Variants in NALF1 observed in about 807,000 individuals in gnomAD.
NALF1 encodes NALCN channel auxiliary factor 1.
Under a neutral mutation model 48.4 loss-of-function variants are expected in NALF1, and 3 were observed. That is an observed-to-expected ratio of 0.06 (90% CI 0.03 to 0.16). The LOEUF (loss-of-function observed/expected upper bound fraction) is 0.16. Among genes scored for constraint, NALF1 ranks in the 10% least tolerant of loss-of-function variants. The pLI is 1.00. For missense variants in NALF1, 526 were observed against 571.5 expected (o/e 0.92, Z 0.81); for synonymous variants, 262 against 245.7 (o/e 1.07, Z -0.62).
At chr13:107,846,250 C>T (rs1467497846) in intron 1 of NALF1, among the ~76,000 whole-genome samples, 4 of 152,058 alleles carry the variant, frequency 2.6e-5, no homozygotes, top group South Asian at 4.1e-4. Flanking sequence ...TTTTTTCTTC[C>T]GCCATGAAAC....
chr13:107,195,365 T>C (rs568684080), intron 2 of NALF1, among the ~76,000 whole-genome samples: 2 of 152,336 alleles, frequency 1.3e-5, no homozygotes, highest in South Asian at 4.1e-4. Context: ...GTTACATTTG[T>C]AATGGCGGTA....
chr13:107,542,399 G>A (rs1594119584), intron 1 of NALF1, among the ~76,000 whole-genome samples: 1 of 152,040 alleles, frequency 6.6e-6, no homozygotes, highest in East Asian at 1.9e-4. Context: ...ATGAGAAAAT[G>A]TTCAGAAATT....
In NALF1 at chr13:107,559,348, CAAGTT is replaced by C. The variant is rs550611158; in HGVS notation, c.915+306329_915+306333del. Among the ~76,000 whole-genome samples the C allele has an allele frequency of 1.1e-4, 16 of 151,908 alleles. No individual in the cohort carries two copies. The East Asian group carries it at 2.9e-3, about 28-fold the overall frequency. ...TGACAATAACAACAACAAAACAAAA[CAAGTT>C]AAGGCAGCTAGCAAAAATAAAAAGA... On this transcript the variant is annotated intron_variant, in intron 1 of 2. Transcript: ENST00000375915.
chr13:107,200,835 G>A (rs991836483), intron 2 of NALF1, among the ~76,000 whole-genome samples: 7 of 152,208 alleles, frequency 4.6e-5, no homozygotes, highest in East Asian at 1.9e-4. Flanking sequence ...TCAATATTTC[G>A]AAAGTATGTA....
chr13:107,748,263 T>A (rs1876838789), intron 1 of NALF1, among the ~76,000 whole-genome samples: 1 of 152,202 alleles, frequency 6.6e-6, no homozygotes, highest in African/African-American at 2.4e-5. Flanking sequence ...TTAATTTGAG[T>A]TGTATAAAAA....
At chr13:107,286,692 G>T (rs1013712946) in intron 1 of NALF1, among the ~76,000 whole-genome samples, 18 of 152,056 alleles carry the variant, frequency 1.2e-4, no homozygotes, top group African/African-American at 4.1e-4. Context: ...CATACAATGG[G>T]ATACTACTCA....
intron 1 of NALF1, among the ~76,000 whole-genome samples, chr13:107,808,669 TAA>T (rs78364102): frequency 2.0e-3 from 294 of 147,418 alleles, no homozygotes; most frequent in Middle Eastern, 3.6e-3. Context: ...TATACAGATT[TAA>T]AAAAAAAAAA....
intron 1 of NALF1, among the ~76,000 whole-genome samples, chr13:107,412,978 T>C (rs1397326744): frequency 6.6e-6 from 1 of 152,202 alleles, no homozygotes; most frequent in Admixed American, 6.5e-5. Context: ...AAATATGATA[T>C]GAAGAATTTC....
chr13:107,760,182 T>TAG (rs1877225974), intron 1 of NALF1, among the ~76,000 whole-genome samples: 1 of 152,226 alleles, frequency 6.6e-6, no homozygotes, highest in South Asian at 2.1e-4. Context: ...TGCATCAAGG[T>TAG]AGATTTCTCC....
chr13:107,507,414 A>G (rs1446488401), intron 1 of NALF1, among the ~76,000 whole-genome samples: 3 of 151,874 alleles, frequency 2.0e-5, no homozygotes, highest in African/African-American at 7.3e-5. Context: ...TTTATATGGT[A>G]GCTTTTTTTT....
At chr13:107,675,633 G>A (rs1454140054) in intron 1 of NALF1, among the ~76,000 whole-genome samples, 1 of 151,994 alleles carries the variant, frequency 6.6e-6, no homozygotes, top group Non-Finnish European at 1.5e-5. Flanking sequence ...AGTCTACTGT[G>A]GTCAAAAGAA....
intron 1 of NALF1, among the ~76,000 whole-genome samples, chr13:107,592,828 T>C (rs967685394): frequency 6.6e-6 from 1 of 151,900 alleles, no homozygotes; most frequent in Non-Finnish European, 1.5e-5. Context: ...AAAATAAAGA[T>C]ACATAAAAAT....
At chr13:107,249,532 G>T (rs1261786798) in intron 1 of NALF1, among the ~76,000 whole-genome samples, 2 of 151,640 alleles carry the variant, frequency 1.3e-5, no homozygotes, top group Admixed American at 6.6e-5. Context: ...CGTAGGTTGG[G>T]TATCTTTGTA....
intron 1 of NALF1, among the ~76,000 whole-genome samples, chr13:107,697,667 A>C (rs1881729831): frequency 6.6e-6 from 1 of 151,828 alleles, no homozygotes; most frequent in Admixed American, 6.6e-5. Context: ...TCAAGAAAGA[A>C]GGAAAAAAAT....
intron 1 of NALF1, among the ~76,000 whole-genome samples, chr13:107,272,195 ATTTTTTTTTTT>A (rs776753457): frequency 1.8e-4 from 4 of 22,536 alleles, no homozygotes; most frequent in African/African-American, 3.9e-4. Context: ...AGACCTTAGA[ATTTTTTTTTTT>A]TTTTTTTTTT....
chr13:107,198,204 G>A (rs1239184313), intron 2 of NALF1, among the ~76,000 whole-genome samples: 1 of 152,078 alleles, frequency 6.6e-6, no homozygotes, highest in Non-Finnish European at 1.5e-5. Flanking sequence ...ATTTTTCAGA[G>A]GAAAAATTCC....
chr13:107,683,028 TGAG>T (rs1225554092), intron 1 of NALF1, among the ~76,000 whole-genome samples: 1 of 152,128 alleles, frequency 6.6e-6, no homozygotes, highest in Non-Finnish European at 1.5e-5. Context: ...TTTGGGAGGC[TGAG>T]GAGGGAGGAT....
At chr13:107,555,018 T>TA (rs1337947347) in intron 1 of NALF1, among the ~76,000 whole-genome samples, 2 of 151,990 alleles carry the variant, frequency 1.3e-5, no homozygotes, top group Non-Finnish European at 2.9e-5. Flanking sequence ...ATATCACAGG[T>TA]AAAAAAGGCA....
At chr13:107,216,938 C>T (rs1315991736) in intron 1 of NALF1, among the ~76,000 whole-genome samples, 3 of 152,154 alleles carry the variant, frequency 2.0e-5, no homozygotes, top group Non-Finnish European at 4.4e-5. Context: ...TGTGCCCATC[C>T]AGAGATAATC....
Sources: allele counts gnomAD v4.1 joint callset (sites outside exome capture counted in the v4.1 genomes callset), GRCh38; gene constraint gnomAD v4.1.1; transcripts MANE v1.5; gene names NCBI Gene and HGNC (gene_info 2026-07-23, HGNC 2026-07-21).